Variants in ATXN1 observed in about 807,000 individuals in gnomAD.
ATXN1 encodes the protein ataxin-1.
In ATXN1, 8 loss-of-function variants were observed where a neutral mutation model predicts 56.4. The observed-to-expected ratio is 0.14, with a 90% CI of 0.08 to 0.26. ATXN1 has a LOEUF of 0.26. ATXN1 is among the 10% of genes least tolerant of loss of function. The probability of loss-of-function intolerance (pLI) is 1.00; values close to 1 mark genes in which losing one functional copy is unlikely to be tolerated. For synonymous variants in ATXN1, 514 were observed against 494.6 expected, an observed-to-expected ratio of 1.04 and a Z score of -0.52; for missense variants, 987 against 1,106.5, an observed-to-expected ratio of 0.89 and a Z score of 1.53.
intron 2 of ATXN1, among the ~76,000 whole-genome samples, chr6:16,663,649 TA>T (rs1483102796): frequency 6.1e-5 from 1 of 16,402 alleles, no homozygotes; most frequent in African/African-American, 1.7e-3. Flanking sequence ...TTTAATTTTT[TA>T]TTTATTTATT....
intron 6 of ATXN1, among the ~76,000 whole-genome samples, chr6:16,441,017 C>T (rs1004708752): frequency 6.6e-6 from 1 of 152,096 alleles, no homozygotes; most frequent in African/African-American, 2.4e-5. Flanking sequence ...AAGGTCCTTA[C>T]GGCACGGTCA....
chr6:16,642,060 CA>C (rs1763715719), intron 3 of ATXN1, among the ~76,000 whole-genome samples: 1 of 152,138 alleles, frequency 6.6e-6, no homozygotes, highest in African/African-American at 2.4e-5. Flanking sequence ...CAAACTTCAG[CA>C]GATGAGGAGT....
At chr6:16,723,817 A>G (rs1759793992) in intron 2 of ATXN1, among the ~76,000 whole-genome samples, 1 of 152,214 alleles carries the variant, frequency 6.6e-6, no homozygotes, top group Non-Finnish European at 1.5e-5. Flanking sequence ...TGAGCCAAGC[A>G]GCTTCACTAA....
intron 2 of ATXN1, among the ~76,000 whole-genome samples, chr6:16,687,657 T>TAC (rs57034032): frequency 0.19 from 27,219 of 143,104 alleles, 2,607 homozygotes; most frequent in East Asian, 0.27. Context: ...AAAGAAGAAA[T>TAC]ACACACACAC....
intron 6 of ATXN1, among the ~76,000 whole-genome samples, chr6:16,413,783 A>T (rs1390684202): frequency 6.6e-6 from 1 of 152,176 alleles, no homozygotes; most frequent in Non-Finnish European, 1.5e-5. Context: ...GGCCCACCTG[A>T]TATAATTTTG....
intron 6 of ATXN1, among the ~76,000 whole-genome samples, chr6:16,462,782 T>C (rs1760025552): frequency 6.6e-6 from 1 of 152,098 alleles, no homozygotes; most frequent in African/African-American, 2.4e-5. Context: ...ATCCCATCAG[T>C]GTAATTACAC....
chr6:16,452,232 A>C (rs1005249704), intron 6 of ATXN1, among the ~76,000 whole-genome samples: 2 of 152,224 alleles, frequency 1.3e-5, no homozygotes, highest in African/African-American at 4.8e-5. Context: ...GGTAAAGATT[A>C]TGTTTTCTCC....
intron 3 of ATXN1, among the ~76,000 whole-genome samples, chr6:16,609,750 G>C (rs2113789067): frequency 6.6e-6 from 1 of 152,080 alleles, no homozygotes; most frequent in South Asian, 2.1e-4. Context: ...AACAAAACAA[G>C]AAACATCCAA....
At chr6:16,531,616 T>G (rs1313744158) in intron 4 of ATXN1, among the ~76,000 whole-genome samples, 1 of 137,492 alleles carries the variant, frequency 7.3e-6, no homozygotes, top group East Asian at 2.3e-4. Context: ...AGAGCGAAAC[T>G]GTGTCTCAAA....
At chr6:16,739,675 G>C (rs1454894520) in intron 2 of ATXN1, 3 of 390,364 alleles carry the variant, frequency 7.7e-6, no homozygotes, top group Non-Finnish European at 1.6e-5. Flanking sequence ...CAGCTCAAAA[G>C]CGGTCGGAAA....
chr6:16,704,599 G>A (rs950613375), intron 2 of ATXN1, among the ~76,000 whole-genome samples: 6 of 152,094 alleles, frequency 3.9e-5, no homozygotes, highest in African/African-American at 1.2e-4. Context: ...CCCACACTCC[G>A]GTCGGTAATT....
intron 5 of ATXN1, among the ~76,000 whole-genome samples, chr6:16,490,519 C>T (rs187844052): frequency 6.6e-6 from 1 of 152,282 alleles, no homozygotes; most frequent in African/African-American, 2.4e-5. Context: ...GTGTTAGTAA[C>T]CTTCCTTCTC....
intron 5 of ATXN1, among the ~76,000 whole-genome samples, chr6:16,492,477 A>T (rs1161883635): frequency 6.6e-6 from 1 of 152,148 alleles, no homozygotes; most frequent in African/African-American, 2.4e-5. Context: ...AAAAAAAATA[A>T]ATAGGTGTTG....
intron 4 of ATXN1, among the ~76,000 whole-genome samples, chr6:16,554,852 A>C (rs898351821): frequency 6.6e-6 from 1 of 152,180 alleles, no homozygotes; most frequent in Non-Finnish European, 1.5e-5. Context: ...CAGCCTCCCA[A>C]AGTGCTGAGA....
At chr6:16,408,695 A>G (rs572846647) in intron 6 of ATXN1, among the ~76,000 whole-genome samples, 7 of 152,224 alleles carry the variant, frequency 4.6e-5, no homozygotes, top group Admixed American at 3.9e-4. Context: ...TCTCACAACT[A>G]ATAAGTAGCT....
intron 3 of ATXN1, among the ~76,000 whole-genome samples, chr6:16,595,997 ATT>A (rs1762807584): frequency 1.3e-5 from 2 of 151,912 alleles, no homozygotes; most frequent in South Asian, 4.1e-4. Context: ...CAGCCCCGTT[ATT>A]TTGTTTTTTT....
intron 4 of ATXN1, among the ~76,000 whole-genome samples, chr6:16,552,846 C>T (rs1476814420): frequency 6.6e-6 from 1 of 152,184 alleles, no homozygotes; most frequent in Non-Finnish European, 1.5e-5. Flanking sequence ...AACTTCCACT[C>T]ACACTCATAC....
At chr6:16,697,314 T>G (rs774416678) in intron 2 of ATXN1, among the ~76,000 whole-genome samples, 1 of 152,218 alleles carries the variant, frequency 6.6e-6, no homozygotes, top group African/African-American at 2.4e-5. Flanking sequence ...TTTCCACTTC[T>G]TCAACTATCT....
chr6:16,414,458 G>A (rs1758862896), intron 6 of ATXN1, among the ~76,000 whole-genome samples: 1 of 152,168 alleles, frequency 6.6e-6, no homozygotes, highest in Non-Finnish European at 1.5e-5. Context: ...AGATAAAACA[G>A]CTTCTGCATA....
Sources: allele counts gnomAD v4.1 joint callset (sites outside exome capture counted in the v4.1 genomes callset), GRCh38; gene constraint gnomAD v4.1.1; transcripts MANE v1.5; gene names NCBI Gene and HGNC (gene_info 2026-07-23, HGNC 2026-07-21).